Variants in ANKRD44 observed in about 807,000 individuals in gnomAD.
The protein encoded by ANKRD44 is serine/threonine-protein phosphatase 6 regulatory ankyrin repeat subunit B.
Under a neutral mutation model 116.0 loss-of-function variants are expected in ANKRD44, and 35 were observed. The observed-to-expected ratio is 0.30, with a 90% confidence interval of 0.23 to 0.40. The LOEUF is 0.40. Ranked by LOEUF, ANKRD44 falls within the 10% of genes least tolerant of loss-of-function variation. ANKRD44 has a pLI of 1.00. For synonymous variants in ANKRD44, 435 were observed against 461.8 expected, an observed-to-expected ratio of 0.94 and a Z score of 0.74; for missense variants, 1,014 against 1,242.6, an observed-to-expected ratio of 0.82 and a Z score of 2.77.
At chr2:197,281,770 T>C (rs558003606) in intron 1 of ANKRD44, among the ~76,000 whole-genome samples, 1 of 152,274 alleles carries the variant, frequency 6.6e-6, no homozygotes, top group African/African-American at 2.4e-5. Context: ...TACCCTAAAA[T>C]CCTCCCAGAA....
chr2:197,231,240 T>C (rs1033530262), intron 1 of ANKRD44, among the ~76,000 whole-genome samples: 3 of 152,010 alleles, frequency 2.0e-5, no homozygotes, highest in African/African-American at 4.8e-5. Context: ...CTGGGCAACA[T>C]AGCAAGACCC....
chr2:197,159,015 A>T (rs2079892085), intron 2 of ANKRD44, among the ~76,000 whole-genome samples: 1 of 152,038 alleles, frequency 6.6e-6, no homozygotes, highest in Non-Finnish European at 1.5e-5. Flanking sequence ...ACATACACAC[A>T]CATACACACG....
chr2:197,274,412 C>T (rs2083014259), intron 1 of ANKRD44, among the ~76,000 whole-genome samples: 1 of 152,166 alleles, frequency 6.6e-6, no homozygotes, highest in South Asian at 2.1e-4. Flanking sequence ...CAGCACATGG[C>T]CTCCAGCTGC....
chr2:197,141,694 T>C (rs1279665327), intron 3 of ANKRD44, among the ~76,000 whole-genome samples: 1 of 152,190 alleles, frequency 6.6e-6, no homozygotes, highest in Non-Finnish European at 1.5e-5. Context: ...CTCTTTTTCA[T>C]GGAGGTTGAA....
chr2:197,273,363 T>C (rs1384923026), intron 1 of ANKRD44, among the ~76,000 whole-genome samples: 2 of 152,172 alleles, frequency 1.3e-5, no homozygotes, highest in Non-Finnish European at 2.9e-5. Context: ...AAAAGAAAGA[T>C]GCAAAAGGTC....
At chr2:197,307,856 C>T (rs1341607481) in intron 1 of ANKRD44, among the ~76,000 whole-genome samples, 3 of 152,168 alleles carry the variant, frequency 2.0e-5, no homozygotes, top group African/African-American at 7.2e-5. Flanking sequence ...AATCAAGATT[C>T]ACTTCACAAA....
intron 2 of ANKRD44, among the ~76,000 whole-genome samples, chr2:197,162,649 A>G (rs1471532870): frequency 6.6e-6 from 1 of 152,208 alleles, no homozygotes; most frequent in Non-Finnish European, 1.5e-5. Flanking sequence ...CACTGAGCTC[A>G]AGTGTCCTTT....
intron 16 of ANKRD44, among the ~76,000 whole-genome samples, chr2:197,031,972 T>C (rs2076715746): frequency 6.6e-6 from 1 of 152,204 alleles, no homozygotes; most frequent in South Asian, 2.1e-4. Context: ...TTTGCAACAT[T>C]ATCACCTGCA....
At chr2:197,293,493 T>C (rs1046274244) in intron 1 of ANKRD44, among the ~76,000 whole-genome samples, 3 of 152,190 alleles carry the variant, frequency 2.0e-5, no homozygotes, top group Non-Finnish European at 4.4e-5. Flanking sequence ...ATTAAACATA[T>C]CTGCATTTAC....
At chr2:197,236,970 A>G (rs2081991916) in intron 1 of ANKRD44, among the ~76,000 whole-genome samples, 1 of 152,218 alleles carries the variant, frequency 6.6e-6, no homozygotes, top group African/African-American at 2.4e-5. Context: ...GTCTCTCACT[A>G]GAAGTCAAGA....
intron 1 of ANKRD44, among the ~76,000 whole-genome samples, chr2:197,256,036 T>C (rs1307348914): frequency 6.6e-6 from 1 of 152,258 alleles, no homozygotes; most frequent in Non-Finnish European, 1.5e-5. Flanking sequence ...TATACTTTCT[T>C]AACAGGGGCT....
chr2:197,116,006 T>C (rs935116826), intron 8 of ANKRD44, among the ~76,000 whole-genome samples: 1 of 152,222 alleles, frequency 6.6e-6, no homozygotes, highest in African/African-American at 2.4e-5. Context: ...GCATTTCTTA[T>C]ATTCTAGTTA....
intron 23 of ANKRD44, among the ~76,000 whole-genome samples, chr2:196,999,912 G>A (rs938411628): frequency 6.6e-6 from 1 of 152,080 alleles, no homozygotes; most frequent in Non-Finnish European, 1.5e-5. Context: ...ATATGAGAAT[G>A]TTCACCACAC....
chr2:197,254,013 T>C (rs1398145745), intron 1 of ANKRD44, among the ~76,000 whole-genome samples: 1 of 152,222 alleles, frequency 6.6e-6, no homozygotes, highest in Non-Finnish European at 1.5e-5. Context: ...TACACAATTC[T>C]GTAATACACA....
chr2:197,114,380 T>C (rs1317515011), intron 8 of ANKRD44, among the ~76,000 whole-genome samples: 1 of 152,216 alleles, frequency 6.6e-6, no homozygotes, highest in Non-Finnish European at 1.5e-5. Context: ...AAGAAGCACT[T>C]CTATTGAGTT....
chr2:197,245,366 G>A (rs528525755), intron 1 of ANKRD44, among the ~76,000 whole-genome samples: 5 of 152,280 alleles, frequency 3.3e-5, no homozygotes, highest in African/African-American at 1.2e-4. Context: ...TACAGTATAT[G>A]GGAGAAAGTA....
chr2:197,158,342 T>A (rs1559112365), intron 2 of ANKRD44, among the ~76,000 whole-genome samples: 1 of 152,252 alleles, frequency 6.6e-6, no homozygotes, highest in Admixed American at 6.5e-5. Context: ...AATGTTTTAC[T>A]GCTAAGTGTA....
At chr2:197,140,197 C>T (rs1452685396) in intron 3 of ANKRD44, among the ~76,000 whole-genome samples, 1 of 152,118 alleles carries the variant, frequency 6.6e-6, no homozygotes. Context: ...AGATAATACA[C>T]ACTTTCAGTT....
At chr2:197,136,403 T>TC in intron 4 of ANKRD44, 189 bp downstream of exon 4, 1 of 609,588 alleles carries the variant, frequency 1.6e-6, no homozygotes, top group Non-Finnish European at 2.9e-6. Flanking sequence ...CCCCAGATAC[T>TC]CCCCAGCCCC....
Sources: gnomAD v4.1 joint callset for allele counts (sites outside exome capture counted in the v4.1 genomes callset) on GRCh38, gnomAD v4.1.1 for gene constraint, MANE v1.5 for transcripts, NCBI Gene and HGNC (gene_info 2026-07-23, HGNC 2026-07-21) for gene names.